The following TGFBR1 variants were observed in gnomAD, a reference collection of about 807,000 sequenced individuals.
The protein encoded by TGFBR1 is transforming growth factor beta receptor 1.
A neutral mutation model predicts 55.1 loss-of-function variants in TGFBR1; 20 were observed. The ratio of observed to expected loss-of-function variants is 0.36; its 90% CI spans 0.26 to 0.53. TGFBR1 has a LOEUF of 0.53. Among genes scored for constraint, TGFBR1 ranks in the 20% least tolerant of loss-of-function variants. The pLI is 0.91. For missense variants in TGFBR1, 385 were observed against 617.6 expected (o/e 0.62, Z 3.99); for synonymous variants, 220 against 214.8 (o/e 1.02, Z -0.21).
chr9:99,105,537 T>C (rs2118173607), intron 1 of TGFBR1, among the ~76,000 whole-genome samples: 1 of 150,750 alleles, frequency 6.6e-6, no homozygotes, highest in African/African-American at 2.4e-5. Flanking sequence ...CGTGTCCGGC[T>C]GCCCGAGGCC....
intron 1 of TGFBR1, among the ~76,000 whole-genome samples, chr9:99,122,929 A>G (rs780885270): frequency 1.3e-4 from 20 of 152,312 alleles, no homozygotes; most frequent in Non-Finnish European, 1.8e-4. Context: ...AATTCTGCAC[A>G]TAAGTACTTA....
intron 6 of TGFBR1, chr9:99,145,902 C>A: frequency 6.2e-6 from 1 of 160,942 alleles, no homozygotes; most frequent in Non-Finnish European, 1.4e-5. Flanking sequence ...CTAAGCAGGC[C>A]CGACCCTGCT....
chr9:99,132,598 G>T lies in TGFBR1; in HGVS notation c.433G>T (p.Val145Phe). 6.2e-7 allele frequency: 1 copy of T among 1,614,132 alleles called. No individual in the cohort carries two copies. The highest frequency in any genetic ancestry group is 8.5e-7 in the Non-Finnish European group (1 of 1,180,018). Residue 145 changes from valine to phenylalanine, a missense_variant, in exon 3 of 9, where the codon GTC (valine) becomes TTC (phenylalanine). Physicochemically the swap from Val to Phe is conservative, Grantham distance 50 (BLOSUM62 -1). Around this residue, in one of 5 missense-constraint regions of TGFBR1, gnomAD observed 146 missense variants for 167.7 expected, o/e 0.87. Transcript: ENST00000374994. ...CGTCTGCATCTCACTCATGTTGATG[G>T]TCTATATCTGCCACAACCGCACTGT... ...CFVCISLMLM[V>F]YICHNRTVIH... is the part of the protein sequence containing the mutation.
At chr9:99,143,203 G>A (rs376824931) in intron 5 of TGFBR1, among the ~76,000 whole-genome samples, 4 of 152,144 alleles carry the variant, frequency 2.6e-5, no homozygotes, top group Non-Finnish European at 4.4e-5. Flanking sequence ...TTCTCTAGTC[G>A]TTGTAACAAA....
chr9:99,129,228 T>C (rs1008554707), intron 2 of TGFBR1, 128 bp downstream of exon 2: 1 of 1,055,500 alleles, frequency 9.5e-7, no homozygotes, highest in African/African-American at 1.6e-5. Flanking sequence ...AAGAAGTGAC[T>C]TGTCCATTGT....
rs200943776 is a variant in TGFBR1, at chr9:99,150,887, T to C, written c.*1582T>C. The C allele has an allele frequency of 9.0e-6, 2 of 222,716 alleles. No individual in the cohort carries two copies. Among genetic ancestry groups the C allele is most frequent in the Non-Finnish European group, 1.8e-5 (2 of 111,078 alleles). 13.8% of individuals were successfully genotyped at this position (222,716 alleles called of 1,614,324 possible). A position where few individuals can be genotyped will look rare whatever the true frequency, so the allele number is the denominator to read the frequency against. ...TTTACTTCCAATGCTATGAAGTCTC[T>C]GCAGGGCTTTTACAGTTTTCGAAGT... On this transcript the variant is annotated 3_prime_UTR_variant, in exon 9 of 9. Coordinates refer to ENST00000374994, the MANE Select transcript of TGFBR1 (RefSeq NM_004612.4).
At chr9:99,144,107 G>A (rs1006918375) in intron 5 of TGFBR1, among the ~76,000 whole-genome samples, 1 of 152,276 alleles carries the variant, frequency 6.6e-6, no homozygotes, top group Middle Eastern at 3.4e-3. Flanking sequence ...GAACATTTGT[G>A]TACAAGTTGT....
At chr9:99,136,518 A>G (rs1043530468) in intron 3 of TGFBR1, among the ~76,000 whole-genome samples, 2 of 152,230 alleles carry the variant, frequency 1.3e-5, no homozygotes, top group African/African-American at 4.8e-5. Flanking sequence ...AAACAACATA[A>G]TTAGAATTGA....
intron 4 of TGFBR1, among the ~76,000 whole-genome samples, chr9:99,140,002 T>A (rs1301888977): frequency 6.6e-6 from 1 of 152,262 alleles, no homozygotes; most frequent in Non-Finnish European, 1.5e-5. Context: ...GGAGTTTTAT[T>A]GGTTTTCTCA....
intron 1 of TGFBR1, among the ~76,000 whole-genome samples, chr9:99,111,723 C>T (rs1826587888): frequency 6.6e-6 from 1 of 152,168 alleles, no homozygotes; most frequent in Non-Finnish European, 1.5e-5. Context: ...TTTAAATTGA[C>T]AAACAGCTTC....
In TGFBR1 at chr9:99,105,255, TGGCGGCGGCGGCGGCGGC is replaced by T. The variant is rs11466445; in HGVS notation, c.61_78del (p.Ala21_Ala26del). On this transcript the variant is annotated inframe_deletion, in exon 1 of 9. Coordinates refer to ENST00000374994, the MANE Select transcript of TGFBR1 (RefSeq NM_004612.4). ...CGTCCCCGGCTGCTCCTCCTCGTGC[TGGCGGCGGCGGCGGCGGC>T]GGCGGCGGCGCTGCTCCCGGGGGCG... 1.3e-5 allele frequency: 14 copies of T among 1,043,392 alleles called. No individual in the cohort carries two copies. In the South Asian group the frequency reaches 4.9e-4, roughly 36 times the overall value. The allele number at this position is 1,043,392 out of a possible 1,614,324, so 64.6% of individuals were successfully genotyped here.
chr9:99,126,677 T>C (rs971215793), intron 1 of TGFBR1, among the ~76,000 whole-genome samples: 2 of 152,214 alleles, frequency 1.3e-5, no homozygotes, highest in Non-Finnish European at 1.5e-5. Flanking sequence ...GGGATTCATG[T>C]ACCTCTGAAG....
intron 1 of TGFBR1, among the ~76,000 whole-genome samples, chr9:99,121,817 G>T (rs1826905976): frequency 6.6e-6 from 1 of 152,060 alleles, no homozygotes; most frequent in Admixed American, 6.6e-5. Flanking sequence ...AGCAAAGTCA[G>T]AGTGATGAAA....
intron 7 of TGFBR1, among the ~76,000 whole-genome samples, chr9:99,147,098 G>A (rs1388206467): frequency 1.3e-5 from 2 of 152,086 alleles, no homozygotes; most frequent in Non-Finnish European, 2.9e-5. Flanking sequence ...TACTTTTAAT[G>A]TTTACTCAGG....
At position 99,105,175 on chromosome 9, in the gene TGFBR1, G is replaced by A. The variant is rs1404137226; in HGVS notation, c.-31G>A. ...GGTGAGGCAGCGGCGCGGCCGGGCC[G>A]GGCCGGGCCACAGGCGGTGGCGGCG... On this transcript the variant is annotated 5_prime_UTR_variant, in exon 1 of 9. Transcript: ENST00000374994. 66 of 1,088,290 alleles carry A rather than the reference G, an allele frequency of 6.1e-5. 1 individual carries two copies. In the East Asian group the frequency reaches 3.3e-3, roughly 55 times the overall value. 67.4% of individuals were successfully genotyped at this position (1,088,290 alleles called of 1,614,324 possible). A position where few individuals can be genotyped will look rare whatever the true frequency, so the allele number is the denominator to read the frequency against.
At chr9:99,131,796 C>T (rs936707720) in intron 2 of TGFBR1, among the ~76,000 whole-genome samples, 1 of 152,014 alleles carries the variant, frequency 6.6e-6, no homozygotes, top group Non-Finnish European at 1.5e-5. Flanking sequence ...TGGTGAAACC[C>T]CGTCTCTATT....
chr9:99,103,979 AG>A (rs1826331943), upstream of TGFBR1: 1 of 152,198 alleles, frequency 6.6e-6, no homozygotes, highest in African/African-American at 2.4e-5. Context: ...CCTCCTTAAA[AG>A]GTTCTGCGGA....
chr9:99,153,322 C>T lies in TGFBR1; in HGVS notation c.*4017C>T, dbSNP rs1828025420. 2 of 217,836 alleles carry T rather than the reference C, an allele frequency of 9.2e-6. No homozygotes were observed. The highest frequency in any genetic ancestry group is 2.3e-5 in the African/African-American group (1 of 44,444). The allele number at this position is 217,836 out of a possible 1,614,324, so 13.5% of individuals were successfully genotyped here. A position where few individuals can be genotyped will look rare whatever the true frequency, so the allele number is the denominator to read the frequency against. On this transcript the variant is annotated 3_prime_UTR_variant, in exon 9 of 9. Coordinates refer to ENST00000374994, the MANE Select transcript of TGFBR1 (RefSeq NM_004612.4). ...GGTACTGTATTGTTTATATTTGTACCCCAAATAACATCGTCTGTACTTTCT... is the reference window on the plus strand; with the variant it reads ...GGTACTGTATTGTTTATATTTGTACTCCAAATAACATCGTCTGTACTTTCT...
intron 3 of TGFBR1, 100 bp downstream of exon 3, chr9:99,132,839 A>G (rs927032908): frequency 8.2e-5 from 119 of 1,452,176 alleles, no homozygotes; most frequent in Non-Finnish European, 1.1e-4. Context: ...AGAATGTGAG[A>G]TAGTATAAAT....
Sources: gnomAD v4.1 joint callset for allele counts (sites outside exome capture counted in the v4.1 genomes callset) on GRCh38, gnomAD v4.1.1 for gene constraint, gnomAD v4.1.1 regional missense constraint, MANE v1.5 for transcripts, NCBI Gene and HGNC (gene_info 2026-07-23, HGNC 2026-07-21) for gene names.